FOCAD: variants seen among roughly 807,000 people sequenced by gnomAD.
FOCAD encodes KIAA1797.
In FOCAD, 198 loss-of-function variants were observed where a neutral mutation model predicts 225.6. That is an observed-to-expected ratio of 0.88 (90% CI 0.78 to 0.99). The LOEUF is 0.99. FOCAD is among the 50% of genes least tolerant of loss of function. The pLI is 0.00. For synonymous variants in FOCAD, 897 were observed against 755.0 expected (o/e 1.19, Z -3.08); for missense variants, 2,713 against 2,123.6 (o/e 1.28, Z -5.46).
chr9:20,749,718 C>T (rs1489788023), intron 5 of FOCAD, among the ~76,000 whole-genome samples: 1 of 152,186 alleles, frequency 6.6e-6, no homozygotes, highest in Non-Finnish European at 1.5e-5. Context: ...AAAAGGCAAT[C>T]TGTGTCTGTC....
intron 8 of FOCAD, among the ~76,000 whole-genome samples, chr9:20,773,411 C>T (rs1417305338): frequency 6.6e-6 from 1 of 152,104 alleles, no homozygotes; most frequent in African/African-American, 2.4e-5. Flanking sequence ...GGTCTGAGTG[C>T]GGCCCAAGTA....
At chr9:20,964,619 T>A (rs1266225407) in intron 35 of FOCAD, among the ~76,000 whole-genome samples, 1 of 151,860 alleles carries the variant, frequency 6.6e-6, no homozygotes, top group African/African-American at 2.4e-5. Flanking sequence ...CACTGCAACC[T>A]CTTCCTCCTG....
At chr9:20,949,446 C>T (rs551983738) in intron 32 of FOCAD, among the ~76,000 whole-genome samples, 158 bp from the exon 33 acceptor site, 2 of 152,174 alleles carry the variant, frequency 1.3e-5, no homozygotes, top group African/African-American at 4.8e-5. Flanking sequence ...GCATGGGGCC[C>T]TGCCTTTGAG....
At chr9:20,689,796 T>C (rs1260480477) in intron 1 of FOCAD, among the ~76,000 whole-genome samples, 1 of 152,222 alleles carries the variant, frequency 6.6e-6, no homozygotes, top group Non-Finnish European at 1.5e-5. Flanking sequence ...GATGAAGCTT[T>C]CTGTTGTTAA....
At chr9:20,940,667 C>T (rs1041782600) in intron 28 of FOCAD, among the ~76,000 whole-genome samples, 7 of 152,294 alleles carry the variant, frequency 4.6e-5, no homozygotes, top group Non-Finnish European at 8.8e-5. Context: ...ATCTGTTTCT[C>T]ATGGAGTTAC....
At chr9:20,845,149 A>T (rs989823202) in intron 15 of FOCAD, among the ~76,000 whole-genome samples, 3 of 152,030 alleles carry the variant, frequency 2.0e-5, no homozygotes, top group African/African-American at 7.2e-5. Flanking sequence ...CACTGACTCA[A>T]TCAGTTTCTA....
At chr9:20,936,246 C>G (rs1462342780) in intron 28 of FOCAD, among the ~76,000 whole-genome samples, 1 of 152,176 alleles carries the variant, frequency 6.6e-6, no homozygotes, top group Non-Finnish European at 1.5e-5. Flanking sequence ...GGGCACTGCT[C>G]AAATATGCAT....
At chr9:20,775,273 C>G (rs10448161) in intron 8 of FOCAD, among the ~76,000 whole-genome samples, 1 of 151,880 alleles carries the variant, frequency 6.6e-6, no homozygotes, top group Non-Finnish European at 1.5e-5. Context: ...TCAAGCAAAA[C>G]AGATGTACCC....
At chr9:20,733,559 A>G (rs1826888366) in intron 4 of FOCAD, among the ~76,000 whole-genome samples, 1 of 151,882 alleles carries the variant, frequency 6.6e-6, no homozygotes, top group Admixed American at 6.6e-5. Context: ...TCCTGTGTCC[A>G]TGTGATCTCA....
chr9:20,709,456 C>T (rs1011640030), intron 1 of FOCAD, among the ~76,000 whole-genome samples: 2 of 143,618 alleles, frequency 1.4e-5, no homozygotes, highest in South Asian at 2.2e-4. Flanking sequence ...TTGAAAATAA[C>T]GTAGACTGCT....
chr9:20,748,714 A>G (rs527856324), intron 5 of FOCAD, among the ~76,000 whole-genome samples: 1 of 152,176 alleles, frequency 6.6e-6, no homozygotes, highest in African/African-American at 2.4e-5. Flanking sequence ...CTCTCTAGCT[A>G]CATGTTTTGC....
At chr9:20,986,851 A>G (rs1477275616) in intron 40 of FOCAD, among the ~76,000 whole-genome samples, 2 of 152,214 alleles carry the variant, frequency 1.3e-5, no homozygotes, top group Non-Finnish European at 2.9e-5. Context: ...AAACAGAAAC[A>G]AAAAAATTAA....
At chr9:20,820,487 T>C in intron 13 of FOCAD, 62 bp downstream of exon 13, 1 of 1,380,702 alleles carries the variant, frequency 7.2e-7, no homozygotes, top group Non-Finnish European at 1.0e-6. Flanking sequence ...AGGAAAATAA[T>C]TATGTCATAT....
At chr9:20,866,472 A>C (rs1048917086) in intron 17 of FOCAD, among the ~76,000 whole-genome samples, 2 of 152,052 alleles carry the variant, frequency 1.3e-5, no homozygotes, top group African/African-American at 4.8e-5. Flanking sequence ...CCTATCAGAC[A>C]GTAACTCCTT....
At chr9:20,968,251 G>A (rs146354081) in intron 35 of FOCAD, among the ~76,000 whole-genome samples, 4 of 151,750 alleles carry the variant, frequency 2.6e-5, no homozygotes, top group South Asian at 2.1e-4. Flanking sequence ...ACATTTTTTC[G>A]TAGAATTCTC....
Position 20,881,953 on chromosome 9 carries a change from A to G in FOCAD, c.2400A>G (p.Gly800=). Residue 800 remains glycine, a synonymous_variant, in exon 20 of 44, where the codon GGA becomes GGG. Coordinates refer to ENST00000338382, the MANE Select transcript of FOCAD (RefSeq NM_001375567.1). ...PRGIYHSALK[G]GARSDQGKTV... is the part of the protein sequence containing the mutation. ...GGATATATCACTCTGCATTAAAAGG[A>G]GGTGCCCGCTCAGACCAAGGAAAGA... 6.2e-7 allele frequency: 1 copy of G among 1,613,958 alleles called. No individual in the cohort carries two copies. Among genetic ancestry groups the G allele is most frequent in the Non-Finnish European group, 8.5e-7 (1 of 1,179,898 alleles).
At chr9:20,697,674 C>A (rs879060097) in intron 1 of FOCAD, among the ~76,000 whole-genome samples, 1 of 152,196 alleles carries the variant, frequency 6.6e-6, no homozygotes, top group Non-Finnish European at 1.5e-5. Flanking sequence ...TAAAATTTAC[C>A]TATTGATGAC....
intron 18 of FOCAD, among the ~76,000 whole-genome samples, chr9:20,873,244 T>C (rs989151027): frequency 2.0e-5 from 3 of 152,112 alleles, no homozygotes; most frequent in African/African-American, 7.2e-5. Context: ...CACGTTACTA[T>C]GATGTGTAAA....
chr9:20,899,127 A>AT (rs1269402609), intron 21 of FOCAD, among the ~76,000 whole-genome samples: 5 of 151,714 alleles, frequency 3.3e-5, no homozygotes, highest in African/African-American at 1.2e-4. Context: ...TGTTAAATAG[A>AT]TTTTTTCTGA....
Sources: allele counts gnomAD v4.1 joint callset (sites outside exome capture counted in the v4.1 genomes callset), GRCh38; gene constraint gnomAD v4.1.1; transcripts MANE v1.5; gene names NCBI Gene and HGNC (gene_info 2026-07-23, HGNC 2026-07-21).